NRG1: variants seen among roughly 807,000 people sequenced by gnomAD.
The protein encoded by NRG1 is neuregulin 1.
In NRG1, 18 loss-of-function variants were observed where a neutral mutation model predicts 63.8. The ratio of observed to expected loss-of-function variants is 0.28; its 90% CI spans 0.19 to 0.42. The LOEUF (loss-of-function observed/expected upper bound fraction) is 0.42, where lower values mean the gene tolerates loss of function less well. NRG1 is among the 10% of genes least tolerant of loss of function. The probability of loss-of-function intolerance (pLI) is 1.00; values close to 1 mark genes in which losing one functional copy is unlikely to be tolerated. For missense variants in NRG1, 762 were observed against 814.7 expected (o/e 0.94, Z 0.79); for synonymous variants, 302 against 301.3 (o/e 1.00, Z -0.02).
intron 1 of NRG1, among the ~76,000 whole-genome samples, chr8:32,170,572 C>T (rs1204550232): frequency 6.6e-6 from 1 of 152,162 alleles, no homozygotes; most frequent in East Asian, 1.9e-4. Context: ...GCAAAACTGA[C>T]CCTAAAATTC....
At chr8:31,723,370 C>T (rs1813111142) in intron 1 of NRG1, among the ~76,000 whole-genome samples, 1 of 152,120 alleles carries the variant, frequency 6.6e-6, no homozygotes, top group South Asian at 2.1e-4. Flanking sequence ...GGAATTTTGT[C>T]ATGGATTTGC....
intron 1 of NRG1, among the ~76,000 whole-genome samples, chr8:32,535,390 C>T (rs1487440843): frequency 6.6e-6 from 1 of 152,182 alleles, no homozygotes; most frequent in East Asian, 1.9e-4. Flanking sequence ...CATAAATGTG[C>T]ATTAAAGTTT....
intron 1 of NRG1, among the ~76,000 whole-genome samples, chr8:32,435,840 A>G (rs1334391193): frequency 2.0e-5 from 3 of 152,192 alleles, no homozygotes; most frequent in Non-Finnish European, 4.4e-5. Context: ...ATCCTAATAT[A>G]GTTATGTTTA....
chr8:32,490,293 A>G (rs1247901541), intron 1 of NRG1, among the ~76,000 whole-genome samples: 2 of 150,162 alleles, frequency 1.3e-5, no homozygotes, highest in Non-Finnish European at 3.0e-5. Context: ...TGACAGAACG[A>G]GACTCTGTCT....
At chr8:32,271,175 G>A (rs116333226) in intron 1 of NRG1, among the ~76,000 whole-genome samples, 1,972 of 152,062 alleles carry the variant, frequency 0.013, 52 homozygotes, top group African/African-American at 0.045. Flanking sequence ...CAAAAACTGC[G>A]TGAATATATA....
intron 1 of NRG1, among the ~76,000 whole-genome samples, chr8:32,197,311 C>T (rs1385416778): frequency 6.6e-6 from 1 of 152,108 alleles, no homozygotes; most frequent in Non-Finnish European, 1.5e-5. Flanking sequence ...TCTGTGCATT[C>T]TCTTGTTCAC....
At chr8:32,560,129 A>G (rs1456485279) in intron 1 of NRG1, among the ~76,000 whole-genome samples, 3 of 152,150 alleles carry the variant, frequency 2.0e-5, no homozygotes, top group Non-Finnish European at 2.9e-5. Context: ...GTAACTTTCT[A>G]CATTCTATCA....
At chr8:32,182,820 A>G (rs1841573766) in intron 1 of NRG1, among the ~76,000 whole-genome samples, 1 of 152,238 alleles carries the variant, frequency 6.6e-6, no homozygotes, top group African/African-American at 2.4e-5. Context: ...CTTTAGCAAT[A>G]CTTTTTAGGC....
chr8:32,669,528 G>A (rs1281485366), intron 5 of NRG1, among the ~76,000 whole-genome samples: 6 of 152,142 alleles, frequency 3.9e-5, no homozygotes, highest in Non-Finnish European at 7.4e-5. Context: ...ATGGCTAACC[G>A]TGTCTAGAAA....
chr8:32,760,566 T>C (rs1427279545), intron 11 of NRG1, 160 bp downstream of exon 11: 1 of 1,438,326 alleles, frequency 7.0e-7, no homozygotes, highest in African/African-American at 1.4e-5. Context: ...TCTCTTTGTT[T>C]GACGGAACTT....
At chr8:31,999,889 A>T (rs1812644392) in intron 1 of NRG1, among the ~76,000 whole-genome samples, 1 of 152,014 alleles carries the variant, frequency 6.6e-6, no homozygotes, top group African/African-American at 2.4e-5. Flanking sequence ...TAATTGGCAA[A>T]GTCTAAATGG....
chr8:31,814,900 A>G (rs1313809257), intron 1 of NRG1, among the ~76,000 whole-genome samples: 1 of 151,878 alleles, frequency 6.6e-6, no homozygotes, highest in East Asian at 1.9e-4. Context: ...GCCTCTTCTG[A>G]ATTATTCCTG....
At chr8:31,927,859 A>T (rs1211078736) in intron 1 of NRG1, among the ~76,000 whole-genome samples, 18 of 150,318 alleles carry the variant, frequency 1.2e-4, no homozygotes, top group African/African-American at 4.4e-4. Context: ...TTTTTTAAAA[A>T]ATTTTATTAT....
intron 1 of NRG1, among the ~76,000 whole-genome samples, chr8:32,188,863 T>C (rs896342291): frequency 3.3e-5 from 5 of 151,946 alleles, no homozygotes; most frequent in Non-Finnish European, 2.9e-5. Context: ...TAATGCTAAA[T>C]GATGAGTTAA....
chr8:32,666,343 A>T (rs1051345966), intron 5 of NRG1, among the ~76,000 whole-genome samples: 1 of 149,674 alleles, frequency 6.7e-6, no homozygotes, highest in African/African-American at 2.4e-5. Flanking sequence ...CCCTCCTTGT[A>T]GAAGAAGAAA....
At chr8:31,885,091 T>C (rs933100570) in intron 1 of NRG1, among the ~76,000 whole-genome samples, 1 of 152,154 alleles carries the variant, frequency 6.6e-6, no homozygotes, top group Non-Finnish European at 1.5e-5. Context: ...TGTCAACCAC[T>C]GAATTTAATG....
exon 1 of NRG1, chr8:32,548,463 G>A: frequency 8.5e-7 from 1 of 1,177,292 alleles, no homozygotes; most frequent in Non-Finnish European, 1.0e-6. Context: ...GCCAGCGGTG[G>A]GACCCATCGA....
intron 1 of NRG1, among the ~76,000 whole-genome samples, chr8:32,075,130 T>G (rs994741142): frequency 6.6e-6 from 1 of 152,226 alleles, no homozygotes; most frequent in African/African-American, 2.4e-5. Flanking sequence ...TGGAGTAAGC[T>G]CCATGTAAAT....
chr8:32,080,393 A>G (rs1252188449), intron 1 of NRG1, among the ~76,000 whole-genome samples: 1 of 152,180 alleles, frequency 6.6e-6, no homozygotes, highest in Non-Finnish European at 1.5e-5. Context: ...AGAAGGTGCC[A>G]CAGTCATGTC....
Sources: gnomAD v4.1 joint callset for allele counts (sites outside exome capture counted in the v4.1 genomes callset) on GRCh38, gnomAD v4.1.1 for gene constraint, MANE v1.5 for transcripts, NCBI Gene and HGNC (gene_info 2026-07-23, HGNC 2026-07-21) for gene names.